Variants in LRRTM3 observed in about 807,000 individuals in gnomAD.
The protein encoded by LRRTM3 is leucine rich repeat transmembrane neuronal 3, also known as leucine-rich repeat transmembrane neuronal protein 3.
A neutral mutation model predicts 44.7 loss-of-function variants in LRRTM3; 24 were observed. That is an observed-to-expected ratio of 0.54 (90% CI 0.39 to 0.76). LRRTM3 has a LOEUF of 0.76. LRRTM3 is among the 30% of genes least tolerant of loss of function. LRRTM3 has a pLI of 0.00. For missense variants in LRRTM3, 587 were observed against 702.2 expected (o/e 0.84, Z 1.85); for synonymous variants, 277 against 278.7 (o/e 0.99, Z 0.06).
chr10:67,038,178 G>T (rs1854181089), intron 2 of LRRTM3, among the ~76,000 whole-genome samples: 1 of 152,064 alleles, frequency 6.6e-6, no homozygotes, highest in African/African-American at 2.4e-5. Flanking sequence ...CTGAAATTCA[G>T]TTGGATAATC....
At chr10:67,023,086 T>C (rs904026180) in intron 2 of LRRTM3, among the ~76,000 whole-genome samples, 1 of 152,184 alleles carries the variant, frequency 6.6e-6, no homozygotes, top group South Asian at 2.1e-4. Flanking sequence ...GAGCTATGTA[T>C]CTAATTCAAT....
At position 66,962,705 on chromosome 10, in the gene LRRTM3, C is replaced by G. The variant is rs71496024; in HGVS notation, c.1536+34253C>G. Among the ~76,000 whole-genome samples, 585 of 152,298 alleles carry G rather than the reference C, an allele frequency of 3.8e-3. 3 individuals carry two copies. Among genetic ancestry groups the G allele is most frequent in the Admixed American group, 6.5e-3 (100 of 15,296 alleles). ...GGATTACAGGCGTGAGCCACCGTGC[C>G]TGGCCCACCTCCTCTAAGTCTTTAT... On this transcript the variant is annotated intron_variant, in intron 2 of 2. Transcript: ENST00000361320.
At chr10:67,019,034 A>G (rs952501431) in intron 2 of LRRTM3, among the ~76,000 whole-genome samples, 2 of 152,192 alleles carry the variant, frequency 1.3e-5, no homozygotes, top group African/African-American at 4.8e-5. Flanking sequence ...TGTTCCATTC[A>G]CTATTACATA....
chr10:67,041,266 C>T (rs1167959160), intron 2 of LRRTM3, among the ~76,000 whole-genome samples: 1 of 152,086 alleles, frequency 6.6e-6, no homozygotes, highest in Non-Finnish European at 1.5e-5. Context: ...CCAACTAGTG[C>T]TTGAATGTTG....
chr10:67,071,090 G>GGATAATAAAA (rs1178615779), intron 2 of LRRTM3, among the ~76,000 whole-genome samples: 2 of 152,074 alleles, frequency 1.3e-5, no homozygotes, highest in Admixed American at 6.5e-5. Flanking sequence ...TGGTATTGAT[G>GGATAATAAAA]TCACATATTA....
chr10:66,989,008 A>AT (rs2132924104), intron 2 of LRRTM3, among the ~76,000 whole-genome samples: 1 of 152,134 alleles, frequency 6.6e-6, no homozygotes, highest in Admixed American at 6.6e-5. Flanking sequence ...TTAAAAAAAA[A>AT]AAATCCCTTT....
intron 2 of LRRTM3, among the ~76,000 whole-genome samples, chr10:67,001,068 C>T (rs186853487): frequency 2.6e-4 from 40 of 151,828 alleles, no homozygotes; most frequent in African/African-American, 8.7e-4. Context: ...TTTGGGAGGC[C>T]GAGGTGGGTG....
chr10:66,957,415 C>T (rs201127798), intron 2 of LRRTM3, among the ~76,000 whole-genome samples: 4 of 32,526 alleles, frequency 1.2e-4, no homozygotes, highest in Admixed American at 2.8e-4. Flanking sequence ...TATATATATG[C>T]ATATATATAT....
intron 2 of LRRTM3, among the ~76,000 whole-genome samples, chr10:66,978,164 A>C (rs1589533018): frequency 6.6e-6 from 1 of 152,032 alleles, no homozygotes; most frequent in East Asian, 1.9e-4. Flanking sequence ...ATAGGTATAA[A>C]ATTTCAGTTA....
chr10:67,020,487 T>C (rs1174835398), intron 2 of LRRTM3, among the ~76,000 whole-genome samples: 3 of 152,116 alleles, frequency 2.0e-5, no homozygotes, highest in Non-Finnish European at 4.4e-5. Flanking sequence ...ACTTACAGAG[T>C]CTAACAATTT....
chr10:66,984,273 A>C (rs984773131), intron 2 of LRRTM3, among the ~76,000 whole-genome samples: 1 of 152,234 alleles, frequency 6.6e-6, no homozygotes, highest in Non-Finnish European at 1.5e-5. Context: ...CCAGAAATCC[A>C]GAAGATAGTT....
At chr10:67,062,794 G>T (rs1047942625) in intron 2 of LRRTM3, among the ~76,000 whole-genome samples, 1 of 152,056 alleles carries the variant, frequency 6.6e-6, no homozygotes, top group Non-Finnish European at 1.5e-5. Flanking sequence ...CAAAAGATTT[G>T]GAAGGCAGAT....
At position 66,926,261 on chromosome 10, in the gene LRRTM3, G is replaced by GTTT; in HGVS notation, c.-315_-313dup. On this transcript the variant is annotated 5_prime_UTR_variant, in exon 1 of 3. Transcript: ENST00000361320. ...CGATAAGAAGAAATTGTAGGATCCA[G>GTTT]TTTTTTTTTTAACCGCCCCCTCCCC... 1 of 413,472 alleles carries GTTT rather than the reference G, an allele frequency of 2.4e-6. No homozygotes were observed. The highest frequency in any genetic ancestry group is 4.5e-6 in the Non-Finnish European group (1 of 223,304). 25.6% of individuals were successfully genotyped at this position (413,472 alleles called of 1,614,324 possible).
In LRRTM3 at chr10:66,928,234, G is replaced by A. The variant is rs1847185156; in HGVS notation, c.1318G>A (p.Val440Met). The A allele has an allele frequency of 6.2e-7, 1 of 1,614,032 alleles. No individual in the cohort carries two copies. Among genetic ancestry groups the A allele is most frequent in the African/African-American group, 1.3e-5 (1 of 74,924 alleles). The change falls in exon 2 of 3, where the codon GTG (valine) becomes ATG (methionine). Residue 440 changes from valine (V) to methionine (M), a missense_variant. Coordinates refer to ENST00000361320, the MANE Select transcript of LRRTM3 (RefSeq NM_178011.5). ...GCTCGTCATCCTGCTGGTTATCTAC[G>A]TGTCATGGAAGCGGTACCCTGCGAG... ...SVLVILLVIY[V>M]SWKRYPASMK...
chr10:67,000,268 T>G (rs559592077), intron 2 of LRRTM3, among the ~76,000 whole-genome samples: 1 of 152,314 alleles, frequency 6.6e-6, no homozygotes, highest in Non-Finnish European at 1.5e-5. Flanking sequence ...AATAGATTTC[T>G]AAACTCCTCT....
At chr10:66,969,907 G>A (rs527484724) in intron 2 of LRRTM3, among the ~76,000 whole-genome samples, 11 of 152,190 alleles carry the variant, frequency 7.2e-5, no homozygotes, top group East Asian at 5.8e-4. Flanking sequence ...TAGTGAAACA[G>A]CATGAAAGTT....
At chr10:67,026,030 T>C (rs1043426003) in intron 2 of LRRTM3, among the ~76,000 whole-genome samples, 45 of 150,236 alleles carry the variant, frequency 3.0e-4, no homozygotes, top group Admixed American at 2.8e-3. Flanking sequence ...ACACCGCATG[T>C]TCTCATTCAT....
intron 2 of LRRTM3, among the ~76,000 whole-genome samples, chr10:66,956,861 G>T (rs1297027509): frequency 3.3e-5 from 5 of 152,186 alleles, no homozygotes; most frequent in Non-Finnish European, 7.4e-5. Flanking sequence ...AGGAGATCTG[G>T]CAAGGGCCTC....
rs1417598149 is a variant in LRRTM3 at position 66,926,583 on chromosome 10, G to C, written c.-1G>C. 3 of 1,613,868 alleles carry C rather than the reference G, an allele frequency of 1.9e-6. No individual in the cohort carries two copies. The highest frequency in any genetic ancestry group is 2.5e-6 in the Non-Finnish European group (3 of 1,179,998). ...AGGACGACCTTTGAACAATACAAAG[G>C]ATGGGTATGTTTTGTCATTTTTCTT... On this transcript the variant is annotated 5_prime_UTR_variant, in exon 1 of 3. Coordinates refer to ENST00000361320, the MANE Select transcript of LRRTM3 (RefSeq NM_178011.5).
Sources: allele counts gnomAD v4.1 joint callset (sites outside exome capture counted in the v4.1 genomes callset), GRCh38; gene constraint gnomAD v4.1.1; transcripts MANE v1.5; gene names NCBI Gene and HGNC (gene_info 2026-07-23, HGNC 2026-07-21).